Variants in OR2L13 observed in about 807,000 individuals in gnomAD.
OR2L13 encodes the protein olfactory receptor family 2 subfamily L member 13.
In OR2L13, 14 loss-of-function variants were observed where a neutral mutation model predicts 15.3. The ratio of observed to expected loss-of-function variants is 0.91; its 90% confidence interval spans 0.60 to 1.43. The LOEUF is 1.43. OR2L13 is among the 40% of genes most tolerant of loss of function. The pLI is 0.00. For synonymous variants in OR2L13, 152 were observed against 142.9 expected (o/e 1.06, Z -0.45); for missense variants, 367 against 387.9 (o/e 0.95, Z 0.45).
At chr1:248,022,421 C>T in the OR2L13 span, 5 of 1,614,082 alleles carry the variant, frequency 3.1e-6, no homozygotes, top group Non-Finnish European at 4.2e-6. Flanking sequence ...CTTGTGCTCA[C>T]ACAGTATATG....
the OR2L13 span, among the ~76,000 whole-genome samples, chr1:247,957,093 G>C: frequency 6.6e-6 from 1 of 152,188 alleles, no homozygotes; most frequent in Non-Finnish European, 1.5e-5. Flanking sequence ...GTCATAGATA[G>C]CTCTTATTAT....
the OR2L13 span, among the ~76,000 whole-genome samples, chr1:248,010,769 T>TG: frequency 2.3e-5 from 3 of 131,958 alleles, no homozygotes; most frequent in African/African-American, 8.8e-5. Context: ...TGTTGTTTTT[T>TG]TTTTTTTTTT....
At chr1:247,978,413 C>G in the OR2L13 span, among the ~76,000 whole-genome samples, 1 of 152,162 alleles carries the variant, frequency 6.6e-6, no homozygotes, top group African/African-American at 2.4e-5. Context: ...GTGCCCTGCT[C>G]TTTAACAAAA....
chr1:248,058,309 T>C, the OR2L13 span, among the ~76,000 whole-genome samples: 1 of 152,144 alleles, frequency 6.6e-6, no homozygotes, highest in Non-Finnish European at 1.5e-5. Flanking sequence ...TAATGCTTGA[T>C]TTTCTATATC....
the OR2L13 span, among the ~76,000 whole-genome samples, chr1:248,030,742 G>A: frequency 6.6e-6 from 1 of 152,136 alleles, no homozygotes; most frequent in Non-Finnish European, 1.5e-5. Context: ...CATCTAAGAT[G>A]TCGGTGGTGA....
chr1:247,964,699 G>A, the OR2L13 span, among the ~76,000 whole-genome samples: 1 of 151,468 alleles, frequency 6.6e-6, no homozygotes, highest in Non-Finnish European at 1.5e-5. Flanking sequence ...TTTGAGTAAT[G>A]CTGCTATGAA....
At chr1:248,021,975 G>T in the OR2L13 span, 17 of 1,613,450 alleles carry the variant, frequency 1.1e-5, no homozygotes, top group Non-Finnish European at 1.4e-5. Context: ...AACGTCAACT[G>T]ATTTCATCTT....
the OR2L13 span, among the ~76,000 whole-genome samples, chr1:248,073,374 G>A: frequency 6.2e-3 from 937 of 151,990 alleles, 15 homozygotes; most frequent in African/African-American, 0.022. Context: ...GCTATCGCAA[G>A]GACAAAAAAC....
At chr1:247,993,083 G>C in the OR2L13 span, among the ~76,000 whole-genome samples, 1 of 152,016 alleles carries the variant, frequency 6.6e-6, no homozygotes, top group Non-Finnish European at 1.5e-5. Context: ...GGTATAAAAT[G>C]GTCTCTCATT....
At chr1:247,939,654 A>G in the OR2L13 span, 1 of 152,174 alleles carries the variant, frequency 6.6e-6, no homozygotes, top group Non-Finnish European at 1.5e-5. Flanking sequence ...TATTCCCTCT[A>G]TTTCCACATT....
chr1:248,057,014 G>A, the OR2L13 span, among the ~76,000 whole-genome samples: 1 of 152,008 alleles, frequency 6.6e-6, no homozygotes, highest in Non-Finnish European at 1.5e-5. Context: ...TGTTTGTTAT[G>A]ATTTCAGTTC....
At chr1:248,060,666 AG>A in the OR2L13 span, 1 of 1,593,916 alleles carries the variant, frequency 6.3e-7, no homozygotes, top group Non-Finnish European at 8.6e-7. Flanking sequence ...TTCAGGAAAG[AG>A]CACACGAATG....
At chr1:247,955,152 T>C in the OR2L13 span, among the ~76,000 whole-genome samples, 2 of 149,944 alleles carry the variant, frequency 1.3e-5, no homozygotes, top group African/African-American at 4.9e-5. Context: ...CCTGTGTCCA[T>C]GTGTTCCCAT....
chr1:247,970,087 C>T, the OR2L13 span, among the ~76,000 whole-genome samples: 2 of 152,068 alleles, frequency 1.3e-5, no homozygotes, highest in Non-Finnish European at 2.9e-5. Flanking sequence ...ACCTGTGTTG[C>T]CAGGGAGGAT....
chr1:247,963,501 T>C, the OR2L13 span, among the ~76,000 whole-genome samples: 1 of 152,154 alleles, frequency 6.6e-6, no homozygotes, highest in Admixed American at 6.6e-5. Context: ...TTGAAACAAG[T>C]CCGGCTGAAT....
chr1:248,038,490 A>C, the OR2L13 span: 10 of 1,613,604 alleles, frequency 6.2e-6, 1 homozygote, highest in Admixed American at 1.5e-4. Flanking sequence ...TTACATCTCC[A>C]CCATTGTTCC....
chr1:248,000,436 G>T, the OR2L13 span, among the ~76,000 whole-genome samples: 1 of 152,090 alleles, frequency 6.6e-6, no homozygotes, highest in African/African-American at 2.4e-5. Flanking sequence ...TGTCTTCTGT[G>T]AATGTATGAA....
the OR2L13 span, among the ~76,000 whole-genome samples, chr1:248,025,879 C>T: frequency 1.4e-5 from 2 of 148,106 alleles, no homozygotes; most frequent in East Asian, 2.0e-4. Flanking sequence ...TATTCTTACT[C>T]ATAGGTGGGA....
chr1:248,097,342 C>A (rs549213853), exon 1 of OR2L13: 13 of 152,292 alleles, frequency 8.5e-5, no homozygotes, highest in Admixed American at 7.2e-4. Context: ...CAACATTTTC[C>A]CAGCTATAAG....
Sources: allele counts gnomAD v4.1 joint callset (sites outside exome capture counted in the v4.1 genomes callset), GRCh38; gene constraint gnomAD v4.1.1; transcripts MANE v1.5; gene names NCBI Gene and HGNC (gene_info 2026-07-23, HGNC 2026-07-21).